The following RNF220 variants were observed in gnomAD, a reference collection of about 807,000 sequenced individuals.
The protein encoded by RNF220 is E3 ubiquitin-protein ligase RNF220.
In RNF220, 7 loss-of-function variants were observed where a neutral mutation model predicts 67.1. That is an observed-to-expected ratio of 0.10 (90% CI 0.06 to 0.20). RNF220 has a LOEUF of 0.20. RNF220 is among the 10% of genes least tolerant of loss of function. RNF220 has a pLI of 1.00. For missense variants in RNF220, 565 were observed against 740.3 expected (o/e 0.76, Z 2.75); for synonymous variants, 270 against 283.2 (o/e 0.95, Z 0.47).
At chr1:44,459,644 G>T (rs1481183653) in intron 2 of RNF220, among the ~76,000 whole-genome samples, 1 of 152,190 alleles carries the variant, frequency 6.6e-6, no homozygotes, top group Admixed American at 6.5e-5. Flanking sequence ...CCAAAGAAAG[G>T]CATGTAGAGT....
At chr1:44,635,148 T>C (rs1440469545) in intron 6 of RNF220, 3 of 169,762 alleles carry the variant, frequency 1.8e-5, no homozygotes, top group Non-Finnish European at 2.5e-5. Context: ...GGTTAGGTTC[T>C]AGTCAAGAGA....
chr1:44,494,042 A>G (rs1657099986), intron 2 of RNF220, among the ~76,000 whole-genome samples: 1 of 152,096 alleles, frequency 6.6e-6, no homozygotes, highest in East Asian at 1.9e-4. Flanking sequence ...CCCCATCTCT[A>G]CTAAAAATAC....
chr1:44,647,832 C>T (rs182428801), intron 12 of RNF220, among the ~76,000 whole-genome samples: 258 of 152,310 alleles, frequency 1.7e-3, no homozygotes, highest in Non-Finnish European at 2.4e-3. Context: ...CTGTCCTTGC[C>T]CAAAGTCCAC....
rs562362160 is a variant in RNF220, at chr1:44,412,775, G to A, written c.625+53G>A. 137 of 1,565,400 alleles carry A rather than the reference G, an allele frequency of 8.8e-5. 3 individuals are homozygous for A. The South Asian group carries it at 1.2e-3, about 14-fold the overall frequency. On this transcript the variant is annotated intron_variant, in intron 2 of 14. Coordinates refer to ENST00000361799, the MANE Select transcript of RNF220 (RefSeq NM_018150.4). This position sits in a 1 kb window ranked among gnomAD's most constrained non-coding sequence, Gnocchi z 5.3. Reference sequence around the variant, plus strand: ...TACCCCCAGTAAGCCCTGCCTCACCGTGATGTTCAACAGGTCGGTGGCGTT... The same window carrying A: ...TACCCCCAGTAAGCCCTGCCTCACCATGATGTTCAACAGGTCGGTGGCGTT...
chr1:44,568,006 C>G (rs1664152190), intron 2 of RNF220, among the ~76,000 whole-genome samples: 1 of 152,196 alleles, frequency 6.6e-6, no homozygotes, highest in African/African-American at 2.4e-5. Flanking sequence ...CTCTGTTCCC[C>G]AGTGAGCATC....
At chr1:44,544,163 C>G (rs533021246) in intron 2 of RNF220, among the ~76,000 whole-genome samples, 9 of 152,322 alleles carry the variant, frequency 5.9e-5, no homozygotes, top group African/African-American at 2.2e-4. Context: ...CAGTTGCCCA[C>G]TGTGAACTGG....
At position 44,624,865 on chromosome 1, in the gene RNF220, G is replaced by A. The variant is rs934482401; in HGVS notation, c.805-1432G>A. On this transcript the variant is annotated intron_variant, in intron 4 of 14. Coordinates refer to ENST00000361799, the MANE Select transcript of RNF220 (RefSeq NM_018150.4). This position sits in a 1 kb window ranked among gnomAD's most constrained non-coding sequence, Gnocchi z 4.2. The stretch of plus-strand genomic sequence containing the variant: ...TCCAAAAGGCCACTTTTAATGAGGC[G>A]AAGAGCCAGGCAAAAAGTCATGATT... Among the ~76,000 whole-genome samples, 4 of 152,302 alleles carry A rather than the reference G, an allele frequency of 2.6e-5. No individual in the cohort carries two copies. Among genetic ancestry groups the A allele is most frequent in the South Asian group, 4.1e-4 (2 of 4,828 alleles).
Position 44,600,259 on chromosome 1 carries a change from C to T in RNF220, c.626-13906C>T, listed in dbSNP as rs940914077. On this transcript the variant is annotated intron_variant, in intron 2 of 14. Transcript: ENST00000361799. This position sits in a 1 kb window ranked among gnomAD's most constrained non-coding sequence, Gnocchi z 4.0. The stretch of plus-strand genomic sequence containing the variant: ...GGACATCCAAGCAGAGCATCTTCTA[C>T]GCAGTGTTGTACGTGGCTCAGATTG... Among the ~76,000 whole-genome samples, 5 of 152,120 alleles carry T rather than the reference C, an allele frequency of 3.3e-5. No individual in the cohort carries two copies. Among genetic ancestry groups the T allele is most frequent in the East Asian group, 1.9e-4 (1 of 5,192 alleles).
At chr1:44,550,366 C>G (rs1005543711) in intron 2 of RNF220, among the ~76,000 whole-genome samples, 49 of 152,184 alleles carry the variant, frequency 3.2e-4, no homozygotes, top group African/African-American at 1.2e-3. Context: ...CCTGCTGTGT[C>G]TCTCGGGCTG....
In RNF220 at chr1:44,574,489, C is replaced by T. The variant is rs566552034; in HGVS notation, c.626-39676C>T. On this transcript the variant is annotated intron_variant, in intron 2 of 14. Transcript: ENST00000361799. ...AGAAGACTGGGTAACATAGAAAAAG[C>T]CTCTCAGGGCTTCACTGTGAATCTT... Among the ~76,000 whole-genome samples, 18 of 152,286 alleles carry T rather than the reference C, an allele frequency of 1.2e-4. No homozygotes were observed. The East Asian group carries it at 3.3e-3, about 28-fold the overall frequency.
intron 2 of RNF220, among the ~76,000 whole-genome samples, chr1:44,524,705 C>G (rs1211268083): frequency 6.6e-6 from 1 of 152,168 alleles, no homozygotes; most frequent in African/African-American, 2.4e-5. Context: ...TCCTTTCTCC[C>G]CCTATTCAGG....
At chr1:44,432,332 G>A (rs1987309) in intron 2 of RNF220, among the ~76,000 whole-genome samples, 28,980 of 139,934 alleles carry the variant, frequency 0.21, 3,141 homozygotes, top group East Asian at 0.37. Flanking sequence ...GTGCAATGGC[G>A]CGATCTCGGC....
chr1:44,497,906 G>A (rs1164848765), intron 2 of RNF220, among the ~76,000 whole-genome samples: 3 of 152,184 alleles, frequency 2.0e-5, no homozygotes, highest in Non-Finnish European at 4.4e-5. Flanking sequence ...CTGAACTCCC[G>A]AGGGATCTGG....
At chr1:44,492,103 G>A (rs1309334337) in intron 2 of RNF220, among the ~76,000 whole-genome samples, 1 of 152,072 alleles carries the variant, frequency 6.6e-6, no homozygotes, top group Non-Finnish European at 1.5e-5. Context: ...TTTTAAAATG[G>A]GCAAAGAATC....
intron 12 of RNF220, among the ~76,000 whole-genome samples, chr1:44,647,489 A>G (rs969387573): frequency 1.3e-5 from 2 of 150,202 alleles, no homozygotes; most frequent in African/African-American, 4.8e-5. Flanking sequence ...GGAAGCCCCC[A>G]GGGAATCAGC....
At chr1:44,602,236 T>A (rs1666972131) in intron 2 of RNF220, among the ~76,000 whole-genome samples, 1 of 151,864 alleles carries the variant, frequency 6.6e-6, no homozygotes, top group African/African-American at 2.4e-5. Flanking sequence ...TGGGTGAGTG[T>A]AGAGAATGGT....
At chr1:44,416,304 A>G (rs1449544723) in intron 2 of RNF220, among the ~76,000 whole-genome samples, 1 of 152,242 alleles carries the variant, frequency 6.6e-6, no homozygotes, top group African/African-American at 2.4e-5. Flanking sequence ...TTTACGGACC[A>G]ATTACAAGTA....
chr1:44,444,290 G>A (rs1389774342), intron 2 of RNF220, among the ~76,000 whole-genome samples: 3 of 151,992 alleles, frequency 2.0e-5, no homozygotes, highest in South Asian at 2.1e-4. Flanking sequence ...ATTTTGGGAC[G>A]TTCAAATGAG....
At chr1:44,474,681 C>A (rs1655133392) in intron 2 of RNF220, among the ~76,000 whole-genome samples, 1 of 151,690 alleles carries the variant, frequency 6.6e-6, no homozygotes, top group Non-Finnish European at 1.5e-5. Flanking sequence ...CGCACTCCAG[C>A]CTGGGTGACA....
Sources: gnomAD v4.1 joint callset for allele counts (sites outside exome capture counted in the v4.1 genomes callset) on GRCh38, gnomAD v4.1.1 for gene constraint, Gnocchi (gnomAD v3.1) non-coding constraint, MANE v1.5 for transcripts, NCBI Gene and HGNC (gene_info 2026-07-23, HGNC 2026-07-21) for gene names.